Variants in C20orf203 observed in about 807,000 individuals in gnomAD.
C20orf203 encodes the protein uncharacterized protein C20orf203.
A neutral mutation model predicts 15.9 loss-of-function variants in C20orf203; 16 were observed. That is an observed-to-expected ratio of 1.01 (90% CI 0.68 to 1.53). The LOEUF (loss-of-function observed/expected upper bound fraction) is 1.53. Among genes scored for constraint, C20orf203 ranks in the 40% most tolerant of loss-of-function variants. The probability of loss-of-function intolerance (pLI) is 0.00; values close to 1 mark genes in which losing one functional copy is unlikely to be tolerated. For synonymous variants in C20orf203, 98 were observed against 97.2 expected, an observed-to-expected ratio of 1.01 and a Z score of -0.05; for missense variants, 263 against 247.5, an observed-to-expected ratio of 1.06 and a Z score of -0.42.
chr20:32,651,162 T>G lies in C20orf203; in HGVS notation c.-10A>C. 1 of 287,410 alleles carries G rather than the reference T, an allele frequency of 3.5e-6. No homozygotes were observed. The highest frequency in any genetic ancestry group is 5.9e-6 in the Non-Finnish European group (1 of 170,582). The allele number at this position is 287,410 out of a possible 1,614,324, so 17.8% of individuals were successfully genotyped here. ...CAGGCCTAGGAAACATAGGAGACCCTCTCTCTAAAAAAAAAAAAAAAAAAA... is the reference window on the plus strand; with the variant it reads ...CAGGCCTAGGAAACATAGGAGACCCGCTCTCTAAAAAAAAAAAAAAAAAAA... On this transcript the variant is annotated 5_prime_UTR_variant, in exon 3 of 6. Transcript: ENST00000608990.
intron 1 of C20orf203, among the ~76,000 whole-genome samples, chr20:32,668,816 C>CTAAA (rs932309369): frequency 3.3e-5 from 5 of 151,942 alleles, no homozygotes; most frequent in South Asian, 4.2e-4. Flanking sequence ...GGCTCCGTCT[C>CTAAA]TAAATAAATA....
At chr20:32,665,827 G>C (rs1478513106) in intron 1 of C20orf203, among the ~76,000 whole-genome samples, 1 of 151,986 alleles carries the variant, frequency 6.6e-6, no homozygotes. Context: ...TTTTTAATTA[G>C]CCAGAGGCTG....
intron 4 of C20orf203, among the ~76,000 whole-genome samples, chr20:32,645,418 A>G (rs1196033976): frequency 1.3e-5 from 2 of 151,186 alleles, no homozygotes; most frequent in Non-Finnish European, 3.0e-5. Context: ...CATCATACAA[A>G]CCTCTCTGCA....
chr20:32,672,529 C>T (rs1200308453), intron 1 of C20orf203, among the ~76,000 whole-genome samples: 1 of 150,266 alleles, frequency 6.7e-6, no homozygotes, highest in Admixed American at 6.7e-5. Context: ...GCTATGATTG[C>T]ATCATTACAC....
At chr20:32,644,375 G>T (rs1195885375) in intron 4 of C20orf203, among the ~76,000 whole-genome samples, 1 of 152,174 alleles carries the variant, frequency 6.6e-6, no homozygotes, top group Non-Finnish European at 1.5e-5. Flanking sequence ...TTGAACCCTG[G>T]AGGAAAAGAT....
At chr20:32,654,236 A>T (rs1434349696) in intron 1 of C20orf203, among the ~76,000 whole-genome samples, 1 of 152,222 alleles carries the variant, frequency 6.6e-6, no homozygotes, top group East Asian at 1.9e-4. Flanking sequence ...TAATTATGAA[A>T]ATAATTCAAT....
rs558533660 is a variant in C20orf203, at chr20:32,645,513, C to T, written c.*1177+3742G>A. Among the ~76,000 whole-genome samples the T allele has an allele frequency of 1.1e-4, 16 of 152,354 alleles. No homozygotes were observed. The South Asian group carries it at 2.5e-3, about 24-fold the overall frequency. ...GGACTTCCCAGAATTTCTGGGTCAG[C>T]AAACAGACTGGCTGAGTGGCTGCAG... On this transcript the variant is annotated intron_variant, in intron 4 of 5. Transcript: ENST00000608990.
Position 32,633,242 on chromosome 20 carries a change from C to A in C20orf203, c.*2328G>T, listed in dbSNP as rs1982047849. ...TTGGACAAACCAGGATGGTTGGTCA[C>A]CCTAAAGGTAAACTGAGGCTTGGAG... On this transcript the variant is annotated 3_prime_UTR_variant, in exon 6 of 6. Transcript: ENST00000608990. 1 of 152,148 alleles carries A rather than the reference C, an allele frequency of 6.6e-6. No individual in the cohort carries two copies. The highest frequency in any genetic ancestry group is 1.5e-5 in the Non-Finnish European group (1 of 68,030). The allele number at this position is 152,148 out of a possible 1,614,324, so 9.4% of individuals were successfully genotyped here. A position where few individuals can be genotyped will look rare whatever the true frequency, so the allele number is the denominator to read the frequency against.
chr20:32,637,395 GA>G (rs1982165855), intron 5 of C20orf203, among the ~76,000 whole-genome samples: 1 of 152,150 alleles, frequency 6.6e-6, no homozygotes, highest in African/African-American at 2.4e-5. Context: ...CAACCTGGGT[GA>G]TAGAGCAAGA....
intron 1 of C20orf203, among the ~76,000 whole-genome samples, chr20:32,671,053 A>G (rs1049058709): frequency 1.6e-4 from 24 of 151,910 alleles, no homozygotes; most frequent in African/African-American, 5.8e-4. Flanking sequence ...AAGGATGTGG[A>G]GAAGTTGAAC....
At chr20:32,636,586 T>A (rs1445324828) in intron 5 of C20orf203, among the ~76,000 whole-genome samples, 1 of 152,124 alleles carries the variant, frequency 6.6e-6, no homozygotes, top group African/African-American at 2.4e-5. Context: ...GCCCCTGTCA[T>A]CCCTTCCTGC....
chr20:32,648,463 CAG>C (rs1306067375), intron 4 of C20orf203, among the ~76,000 whole-genome samples: 7 of 108,792 alleles, frequency 6.4e-5, no homozygotes, highest in African/African-American at 2.6e-4. Context: ...TTTTTTGAGA[CAG>C]AGTCTCGCTC....
At position 32,633,243 on chromosome 20, in the gene C20orf203, C is replaced by T. The variant is rs1384010316; in HGVS notation, c.*2327G>A. ...TGGACAAACCAGGATGGTTGGTCAC[C>T]CTAAAGGTAAACTGAGGCTTGGAGG... On this transcript the variant is annotated 3_prime_UTR_variant, in exon 6 of 6. Transcript: ENST00000608990. The T allele has an allele frequency of 1.3e-5, 2 of 151,988 alleles. No individual in the cohort carries two copies. Among genetic ancestry groups the T allele is most frequent in the Non-Finnish European group, 2.9e-5 (2 of 67,974 alleles). The allele number at this position is 151,988 out of a possible 1,614,324, so 9.4% of individuals were successfully genotyped here.
chr20:32,643,455 G>A (rs538683561), intron 4 of C20orf203, among the ~76,000 whole-genome samples: 17 of 152,164 alleles, frequency 1.1e-4, no homozygotes, highest in African/African-American at 3.1e-4. Flanking sequence ...ATATTCCCCC[G>A]GATTCATCCA....
chr20:32,659,097 A>C (rs999970211), intron 1 of C20orf203, among the ~76,000 whole-genome samples: 1 of 151,876 alleles, frequency 6.6e-6, no homozygotes, highest in Non-Finnish European at 1.5e-5. Context: ...GGCTGGTCTC[A>C]AACTCCCAAA....
chr20:32,654,811 T>C (rs1387564103), intron 1 of C20orf203, among the ~76,000 whole-genome samples: 1 of 152,112 alleles, frequency 6.6e-6, no homozygotes, highest in Non-Finnish European at 1.5e-5. Context: ...GCCACTGCAT[T>C]CCAGCCCGTG....
In C20orf203 at chr20:32,634,107, G is replaced by A. The variant is rs1044911568; in HGVS notation, c.*1463C>T. On this transcript the variant is annotated 3_prime_UTR_variant, in exon 6 of 6. Coordinates refer to ENST00000608990, the MANE Select transcript of C20orf203 (RefSeq NM_182584.4). ...CTGAGCTTTGTCCTTGGGGGACACAGAAAACAACAAAGAAATGGCACTTGT... is the reference window on the plus strand; with the variant it reads ...CTGAGCTTTGTCCTTGGGGGACACAAAAAACAACAAAGAAATGGCACTTGT... 5.3e-5 allele frequency: 21 copies of A among 398,488 alleles called. No homozygotes were observed. Among genetic ancestry groups the A allele is most frequent in the Middle Eastern group, 1.2e-3 (2 of 1,610 alleles). 24.7% of individuals were successfully genotyped at this position (398,488 alleles called of 1,614,324 possible).
intron 1 of C20orf203, among the ~76,000 whole-genome samples, chr20:32,654,154 T>C (rs932218226): frequency 6.6e-6 from 1 of 151,652 alleles, no homozygotes; most frequent in African/African-American, 2.4e-5. Flanking sequence ...TTTGGCAAAG[T>C]TGCAGGATAC....
At position 32,650,443 on chromosome 20, in the gene C20orf203, G is replaced by GCGA. The variant is rs994239901; in HGVS notation, c.571_573dup (p.Ser191dup). On this transcript the variant is annotated inframe_insertion, in exon 4 of 6. Transcript: ENST00000608990. ...CGCCCTGGGCTCGGCTAATTAAACA[G>GCGA]CGACCGTGATGAATTGGAGAGAAAC... 1 of 1,549,746 alleles carries GCGA rather than the reference G, an allele frequency of 6.5e-7. No individual in the cohort carries two copies. The highest frequency in any genetic ancestry group is 2.0e-5 in the Admixed American group (1 of 50,982).
Sources: allele counts gnomAD v4.1 joint callset (sites outside exome capture counted in the v4.1 genomes callset), GRCh38; gene constraint gnomAD v4.1.1; transcripts MANE v1.5; gene names NCBI Gene and HGNC (gene_info 2026-07-23, HGNC 2026-07-21).